The following DPYD variants were observed in gnomAD, a reference collection of about 807,000 sequenced individuals.
DPYD encodes dihydropyrimidine dehydrogenase.
In DPYD, 109 loss-of-function variants were observed where a neutral mutation model predicts 116.2. The ratio of observed to expected loss-of-function variants is 0.94; its 90% CI spans 0.80 to 1.10. The LOEUF is 1.10. DPYD is among the 50% of genes least tolerant of loss of function. The pLI is 0.00. For missense variants in DPYD, 1,302 were observed against 1,254.5 expected, an observed-to-expected ratio of 1.04 and a Z score of -0.57; for synonymous variants, 440 against 432.0, an observed-to-expected ratio of 1.02 and a Z score of -0.23.
chr1:97,876,543 C>T (rs577078215), intron 2 of DPYD, among the ~76,000 whole-genome samples: 32 of 152,126 alleles, frequency 2.1e-4, no homozygotes, highest in Non-Finnish European at 4.7e-4. Context: ...TCTCTCCCCA[C>T]TCCAACAGCC....
chr1:97,195,434 CT>C (rs959574283), intron 19 of DPYD, among the ~76,000 whole-genome samples: 3 of 148,784 alleles, frequency 2.0e-5, no homozygotes, highest in African/African-American at 7.4e-5. Flanking sequence ...GCCTAGCATG[CT>C]ACCTGATACC....
chr1:97,912,849 T>C (rs749425042), intron 1 of DPYD, among the ~76,000 whole-genome samples: 2 of 152,090 alleles, frequency 1.3e-5, no homozygotes, highest in African/African-American at 4.8e-5. Flanking sequence ...CTCCTCAATA[T>C]TTGGCATAGA....
intron 20 of DPYD, among the ~76,000 whole-genome samples, chr1:97,177,416 G>A (rs940752507): frequency 2.6e-5 from 4 of 152,174 alleles, no homozygotes; most frequent in Admixed American, 6.6e-5. Context: ...AGCATGTTTA[G>A]TGATTTTGGA....
intron 18 of DPYD, among the ~76,000 whole-genome samples, chr1:97,298,950 C>A (rs1422758444): frequency 6.6e-6 from 1 of 152,094 alleles, no homozygotes; most frequent in Non-Finnish European, 1.5e-5. Context: ...ATTTAAGGGT[C>A]TGGCCTTTAG....
At chr1:97,134,007 AAAAAAAAATATATATATATAT>A (rs1258059397) in intron 20 of DPYD, among the ~76,000 whole-genome samples, 686 of 44,172 alleles carry the variant, frequency 0.016, 78 homozygotes, top group South Asian at 0.027. Flanking sequence ...TCAAAAAAAA[AAAAAAAAATATATATATATAT>A]ATATATATAT....
At chr1:97,369,076 G>A (rs1413117825) in intron 16 of DPYD, among the ~76,000 whole-genome samples, 2 of 152,096 alleles carry the variant, frequency 1.3e-5, no homozygotes, top group African/African-American at 4.8e-5. Flanking sequence ...ATTTTAGTAG[G>A]CTAAAAGAGG....
chr1:97,449,300 G>A (rs1379261704), intron 14 of DPYD, among the ~76,000 whole-genome samples: 1 of 151,882 alleles, frequency 6.6e-6, no homozygotes, highest in East Asian at 1.9e-4. Flanking sequence ...TTCATTGAAA[G>A]AAAGAATGAA....
intron 2 of DPYD, among the ~76,000 whole-genome samples, chr1:97,849,714 T>C (rs1260299019): frequency 6.6e-6 from 1 of 152,186 alleles, no homozygotes; most frequent in Non-Finnish European, 1.5e-5. Context: ...AGGAAGATAT[T>C]TGATTAATTT....
chr1:97,215,082 T>C (rs1441908900), intron 19 of DPYD, among the ~76,000 whole-genome samples: 4 of 152,210 alleles, frequency 2.6e-5, no homozygotes, highest in Non-Finnish European at 5.9e-5. Context: ...AATTAATAGC[T>C]TGCATCTGTG....
chr1:97,389,828 T>C (rs541726928), intron 14 of DPYD, among the ~76,000 whole-genome samples: 10 of 148,172 alleles, frequency 6.7e-5, no homozygotes, highest in African/African-American at 2.5e-4. Flanking sequence ...AAAAGGTATC[T>C]CAAAGGTGAA....
intron 1 of DPYD, chr1:97,883,905 G>C: frequency 2.2e-6 from 1 of 453,494 alleles, no homozygotes. Context: ...ATAAAATCAA[G>C]TGAGGAATCC....
At chr1:97,232,109 C>T (rs542866820) in intron 19 of DPYD, among the ~76,000 whole-genome samples, 10 of 152,146 alleles carry the variant, frequency 6.6e-5, no homozygotes, top group African/African-American at 7.2e-5. Context: ...GGATTCCTGG[C>T]AATACATTCT....
chr1:97,536,602 T>G (rs992120844), intron 12 of DPYD, among the ~76,000 whole-genome samples: 1 of 152,224 alleles, frequency 6.6e-6, no homozygotes, highest in Non-Finnish European at 1.5e-5. Context: ...ATTCTTTAAG[T>G]GCAAGAACAC....
rs1360492888 is a variant in DPYD at position 97,571,251 on chromosome 1, A to G, written c.1339+2509T>C. On this transcript the variant is annotated intron_variant, in intron 11 of 22. Transcript: ENST00000370192. ...AATAGTTAAAAGAAGCAGCAAGGTAATAGAGTGTCACAAACAAGAATATGC... is the reference window on the plus strand; with the variant it reads ...AATAGTTAAAAGAAGCAGCAAGGTAGTAGAGTGTCACAAACAAGAATATGC... 2.6e-5 allele frequency among the ~76,000 whole-genome samples: 4 copies of G among 152,062 alleles called. No homozygotes were observed. In the East Asian group the frequency reaches 7.7e-4, roughly 29 times the overall value.
chr1:97,329,038 A>T (rs1207045754), intron 16 of DPYD, among the ~76,000 whole-genome samples: 10 of 152,210 alleles, frequency 6.6e-5, no homozygotes, highest in Admixed American at 6.5e-4. Context: ...GGTGAGTGAG[A>T]AACAACTTCT....
intron 14 of DPYD, among the ~76,000 whole-genome samples, chr1:97,446,245 G>A (rs898511737): frequency 1.3e-5 from 2 of 152,034 alleles, no homozygotes; most frequent in Non-Finnish European, 2.9e-5. Flanking sequence ...TTACTATATC[G>A]TATATTTTAA....
intron 18 of DPYD, chr1:97,295,742 T>A (rs907914311): frequency 2.3e-5 from 23 of 983,572 alleles, no homozygotes; most frequent in Non-Finnish European, 2.8e-5. Context: ...GATAATTTTC[T>A]TAAAATTGCC....
Position 97,305,270 on chromosome 1 carries a change from C to G in DPYD, c.2288G>C (p.Gly763Ala), listed in dbSNP as rs771646887. The change falls in exon 18 of 23, where the codon GGA becomes GCA. Residue 763 changes from glycine to alanine, a missense_variant. Gly to Ala is a moderately conservative substitution (Grantham distance 60). Coordinates refer to ENST00000370192, the MANE Select transcript of DPYD (RefSeq NM_000110.4). ...AVGIAKRTTYGGVSGTAIRPI... is the reference protein window; with the variant it reads ...AVGIAKRTTYAGVSGTAIRPI... ...TGGGCAACACCTACCAGACACTCCT[C>G]CATATGTAGTTCGCTTTGCAATCCC... 6.2e-7 allele frequency: 1 copy of G among 1,612,344 alleles called. No individual in the cohort carries two copies. The highest frequency in any genetic ancestry group is 8.5e-7 in the Non-Finnish European group (1 of 1,178,884).
At chr1:97,655,010 G>A (rs548634201) in intron 8 of DPYD, among the ~76,000 whole-genome samples, 13 of 152,170 alleles carry the variant, frequency 8.5e-5, no homozygotes, top group South Asian at 2.1e-4. Context: ...TGGGGAAACC[G>A]CCTCCATGAT....
Sources: allele counts gnomAD v4.1 joint callset (sites outside exome capture counted in the v4.1 genomes callset), GRCh38; gene constraint gnomAD v4.1.1; transcripts MANE v1.5; gene names NCBI Gene and HGNC (gene_info 2026-07-23, HGNC 2026-07-21).